The following NDST4 variants were observed in gnomAD, a reference collection of about 807,000 sequenced individuals.
The protein encoded by NDST4 is N-heparan sulfate sulfotransferase 4.
NDST4 carries 63 observed loss-of-function variants against 100.8 expected under a neutral mutation model. The observed-to-expected ratio is 0.62, with a 90% CI of 0.51 to 0.77. The LOEUF is 0.77. Ranked by LOEUF, NDST4 falls within the 30% of genes least tolerant of loss-of-function variation. NDST4 has a pLI of 0.00. For missense variants in NDST4, 943 were observed against 1,018.4 expected, an observed-to-expected ratio of 0.93 and a Z score of 1.01; for synonymous variants, 377 against 361.8, an observed-to-expected ratio of 1.04 and a Z score of -0.48.
chr4:115,062,325 G>A (rs1156644501), intron 2 of NDST4, among the ~76,000 whole-genome samples: 2 of 151,860 alleles, frequency 1.3e-5, no homozygotes, highest in African/African-American at 4.8e-5. Context: ...AGAATATACC[G>A]TAAGCAAACA....
intron 2 of NDST4, among the ~76,000 whole-genome samples, chr4:115,050,575 A>G (rs917987166): frequency 4.6e-5 from 7 of 152,148 alleles, no homozygotes; most frequent in African/African-American, 1.7e-4. Flanking sequence ...CTAGATTTCA[A>G]AGAAGTAATA....
chr4:114,848,173 C>T (rs760342841), intron 9 of NDST4, 42 bp downstream of exon 9: 9 of 1,533,904 alleles, frequency 5.9e-6, no homozygotes, highest in Non-Finnish European at 8.0e-6. Context: ...AGTGATTGAG[C>T]ATGTGTTAAT....
intron 2 of NDST4, among the ~76,000 whole-genome samples, chr4:114,986,830 A>ATATATTTATT (rs1553959396): frequency 2.5e-4 from 23 of 91,960 alleles, no homozygotes; most frequent in African/African-American, 9.0e-4. Flanking sequence ...ATATATATAT[A>ATATATTTATT]TATTTTAATA....
intron 2 of NDST4, among the ~76,000 whole-genome samples, chr4:114,998,944 G>A (rs1009935269): frequency 6.6e-6 from 1 of 151,916 alleles, no homozygotes; most frequent in South Asian, 2.1e-4. Flanking sequence ...ACTTTGGGTC[G>A]AGTTGAAAAT....
At chr4:114,922,045 C>G (rs1725299316) in intron 6 of NDST4, among the ~76,000 whole-genome samples, 1 of 152,240 alleles carries the variant, frequency 6.6e-6, no homozygotes, top group South Asian at 2.1e-4. Flanking sequence ...CCCACCACCC[C>G]CCACCGCCTT....
chr4:114,886,505 T>C (rs1724481030), intron 6 of NDST4, among the ~76,000 whole-genome samples: 1 of 152,134 alleles, frequency 6.6e-6, no homozygotes, highest in South Asian at 2.1e-4. Flanking sequence ...TGCCAATTAA[T>C]GATGATGAGA....
At chr4:114,844,182 A>G (rs752593458) in intron 10 of NDST4, among the ~76,000 whole-genome samples, 9 of 152,202 alleles carry the variant, frequency 5.9e-5, no homozygotes, top group Non-Finnish European at 8.8e-5. Flanking sequence ...CACCATTTCC[A>G]TACCTCACTA....
chr4:114,884,516 T>C (rs990673604), intron 6 of NDST4, among the ~76,000 whole-genome samples: 1 of 152,148 alleles, frequency 6.6e-6, no homozygotes, highest in African/African-American at 2.4e-5. Flanking sequence ...CCATACATGT[T>C]CTGATAGTAG....
At chr4:115,064,279 T>C (rs1429621261) in intron 2 of NDST4, among the ~76,000 whole-genome samples, 1 of 152,004 alleles carries the variant, frequency 6.6e-6, no homozygotes, top group Non-Finnish European at 1.5e-5. Flanking sequence ...TCTTTGCAAC[T>C]CCGTCCTCAA....
At chr4:114,958,932 A>G (rs1726199643) in intron 4 of NDST4, among the ~76,000 whole-genome samples, 1 of 152,150 alleles carries the variant, frequency 6.6e-6, no homozygotes, top group African/African-American at 2.4e-5. Context: ...TAAAAGCACC[A>G]AAGTCACCTC....
intron 2 of NDST4, 49 bp downstream of exon 2, chr4:115,076,010 T>C: frequency 5.2e-6 from 8 of 1,545,176 alleles, no homozygotes; most frequent in Non-Finnish European, 7.0e-6. Context: ...ATTTTATCGG[T>C]ACCATATTGT....
intron 2 of NDST4, among the ~76,000 whole-genome samples, chr4:114,987,044 T>C (rs563646505): frequency 3.3e-5 from 5 of 151,864 alleles, no homozygotes; most frequent in Non-Finnish European, 7.4e-5. Flanking sequence ...CATAGAGTAA[T>C]AGTGACGTAG....
chr4:114,934,797 A>C (rs1233598946), intron 6 of NDST4, among the ~76,000 whole-genome samples: 1 of 152,076 alleles, frequency 6.6e-6, no homozygotes, highest in Non-Finnish European at 1.5e-5. Context: ...TAGTATGTTA[A>C]TTAGATTGAT....
chr4:114,986,832 A>ATATATATATATATATATATTT, intron 2 of NDST4, among the ~76,000 whole-genome samples: 2 of 94,650 alleles, frequency 2.1e-5, no homozygotes, highest in Non-Finnish European at 4.3e-5. Flanking sequence ...ATATATATAT[A>ATATATATATATATATATATTT]TTTTAATATA....
At chr4:114,879,128 A>G (rs1019382997) in intron 6 of NDST4, among the ~76,000 whole-genome samples, 1 of 152,148 alleles carries the variant, frequency 6.6e-6, no homozygotes, top group East Asian at 1.9e-4. Context: ...AAATCAGGCT[A>G]ATTAGCATAT....
intron 1 of NDST4, among the ~76,000 whole-genome samples, chr4:115,106,372 T>C (rs962339832): frequency 3.3e-5 from 5 of 152,090 alleles, no homozygotes; most frequent in African/African-American, 7.2e-5. Context: ...AATTTTATAA[T>C]TGGAGAAATT....
At chr4:115,011,969 C>A (rs959483652) in intron 2 of NDST4, among the ~76,000 whole-genome samples, 11 of 151,452 alleles carry the variant, frequency 7.3e-5, no homozygotes, top group Non-Finnish European at 1.5e-4. Flanking sequence ...ACATGAATGG[C>A]AACATGAAAG....
intron 2 of NDST4, among the ~76,000 whole-genome samples, chr4:114,995,031 T>C (rs1727129896): frequency 6.6e-6 from 1 of 152,068 alleles, no homozygotes; most frequent in African/African-American, 2.4e-5. Flanking sequence ...ACCAGAAGTA[T>C]AAATTTAGAC....
At chr4:114,931,130 T>C (rs1725504532) in intron 6 of NDST4, among the ~76,000 whole-genome samples, 1 of 151,954 alleles carries the variant, frequency 6.6e-6, no homozygotes, top group Non-Finnish European at 1.5e-5. Flanking sequence ...AAATTATGAT[T>C]TTTAATTTTT....
Sources: gnomAD v4.1 joint callset for allele counts (sites outside exome capture counted in the v4.1 genomes callset) on GRCh38, gnomAD v4.1.1 for gene constraint, MANE v1.5 for transcripts, NCBI Gene and HGNC (gene_info 2026-07-23, HGNC 2026-07-21) for gene names.